The following ANKS1A variants were observed in gnomAD, a reference collection of about 807,000 sequenced individuals.
ANKS1A encodes ankyrin repeat and SAM domain-containing protein 1A.
Under a neutral mutation model 120.3 loss-of-function variants are expected in ANKS1A, and 55 were observed. The ratio of observed to expected loss-of-function variants is 0.46; its 90% CI spans 0.37 to 0.57. The LOEUF (loss-of-function observed/expected upper bound fraction) is 0.57, where lower values mean the gene tolerates loss of function less well. ANKS1A is among the 20% of genes least tolerant of loss of function. The probability of loss-of-function intolerance (pLI) is 0.00; values close to 1 mark genes in which losing one functional copy is unlikely to be tolerated. For missense variants in ANKS1A, 1,123 were observed against 1,480.3 expected (o/e 0.76, Z 3.96); for synonymous variants, 590 against 604.7 (o/e 0.98, Z 0.36).
downstream of ANKS1A, among the ~76,000 whole-genome samples, chr6:35,093,881 C>G (rs956251344): frequency 1.3e-5 from 2 of 152,230 alleles, no homozygotes; most frequent in African/African-American, 4.8e-5. Context: ...CCTCACAAAG[C>G]TATAATGAGG....
chr6:34,930,465 T>C (rs1768926116), intron 1 of ANKS1A, among the ~76,000 whole-genome samples: 2 of 152,146 alleles, frequency 1.3e-5, no homozygotes, highest in Non-Finnish European at 2.9e-5. Context: ...GCACATTCCC[T>C]GTGTGTGTGA....
intron 1 of ANKS1A, among the ~76,000 whole-genome samples, chr6:34,960,846 C>T (rs1770599425): frequency 6.6e-6 from 1 of 152,162 alleles, no homozygotes; most frequent in African/African-American, 2.4e-5. Flanking sequence ...TCCTGGGGAG[C>T]CCATCATGGT....
chr6:34,976,754 CTTTT>C (rs1204557368), intron 3 of ANKS1A, among the ~76,000 whole-genome samples: 4 of 134,532 alleles, frequency 3.0e-5, no homozygotes, highest in Non-Finnish European at 6.5e-5. Flanking sequence ...GCTACCTTTG[CTTTT>C]TCTCTTTCTG....
chr6:34,982,169 A>G lies in ANKS1A; in HGVS notation c.732+183A>G, dbSNP rs1287728980. ...ACAAATGAACTCCTCAAGCAAGTCT[A>G]TTATTTTTTTGTTTCTTTTCAGGGG... is the stretch of plus-strand genomic sequence containing the variant. On this transcript the variant is annotated intron_variant, in intron 4 of 23. Transcript: ENST00000360359. The surrounding 1 kb of genome is among the most constrained non-coding windows in gnomAD (Gnocchi z 4.9). 1.3e-5 allele frequency among the ~76,000 whole-genome samples: 2 copies of G among 152,132 alleles called. No homozygotes were observed. The highest frequency in any genetic ancestry group is 2.9e-5 in the Non-Finnish European group (2 of 68,018).
At chr6:34,900,407 C>T (rs1767288851) in intron 1 of ANKS1A, among the ~76,000 whole-genome samples, 1 of 151,990 alleles carries the variant, frequency 6.6e-6, no homozygotes, top group South Asian at 2.1e-4. Context: ...CTTCTAAGCA[C>T]TTTACAAGTA....
At chr6:35,062,099 G>A (rs1776537466) in intron 13 of ANKS1A, among the ~76,000 whole-genome samples, 1 of 152,246 alleles carries the variant, frequency 6.6e-6, no homozygotes, top group Non-Finnish European at 1.5e-5. Context: ...GAGAAGTGTG[G>A]CCTTGGGCCA....
intron 11 of ANKS1A, 85 bp downstream of exon 11, chr6:35,018,144 G>A: frequency 7.2e-7 from 1 of 1,386,566 alleles, no homozygotes; most frequent in Non-Finnish European, 9.9e-7. Flanking sequence ...CAACTCTCAG[G>A]CCCAGGATCT....
chr6:34,951,911 C>G (rs1303125750), intron 1 of ANKS1A, among the ~76,000 whole-genome samples: 1 of 152,044 alleles, frequency 6.6e-6, no homozygotes, highest in Non-Finnish European at 1.5e-5. Context: ...TTATTGGTTT[C>G]CTGGGACCCT....
intron 11 of ANKS1A, among the ~76,000 whole-genome samples, chr6:35,041,811 A>G (rs533056652): frequency 6.6e-6 from 1 of 152,068 alleles, no homozygotes; most frequent in African/African-American, 2.4e-5. Context: ...GTGGCCTCCC[A>G]TTTTCCTGCC....
At chr6:35,066,187 A>G (rs1581725647) in intron 13 of ANKS1A, among the ~76,000 whole-genome samples, 2 of 152,220 alleles carry the variant, frequency 1.3e-5, no homozygotes, top group African/African-American at 4.8e-5. Flanking sequence ...GTGTGGTGAC[A>G]TCGTGTCAGA....
At chr6:35,071,406 G>T (rs149743744) in intron 13 of ANKS1A, among the ~76,000 whole-genome samples, 1 of 152,186 alleles carries the variant, frequency 6.6e-6, no homozygotes, top group Non-Finnish European at 1.5e-5. Context: ...ACTGGAGTCA[G>T]GTTGGCACTC....
intron 3 of ANKS1A, among the ~76,000 whole-genome samples, chr6:34,979,936 A>G (rs760583274): frequency 3.9e-5 from 6 of 152,240 alleles, no homozygotes; most frequent in Non-Finnish European, 7.3e-5. Context: ...GGAGAAAGTG[A>G]TAATCAACCA....
At chr6:35,080,104 T>C (rs1777595352) in intron 16 of ANKS1A, among the ~76,000 whole-genome samples, 176 bp downstream of exon 16, 1 of 152,100 alleles carries the variant, frequency 6.6e-6, no homozygotes, top group Admixed American at 6.6e-5. Flanking sequence ...CTGTTTCTAC[T>C]TGGGGATGGC....
rs747865614 is a variant in ANKS1A at position 34,950,222 on chromosome 6, C to CTTT, written c.198-16997_198-16995dup. On this transcript the variant is annotated intron_variant, in intron 1 of 23. Transcript: ENST00000360359. The stretch of plus-strand genomic sequence containing the variant: ...TAAGGAAGAGGTTTTTCTTTTCTCT[C>CTTT]TTTTTTTTTTTTTTTTTTTTTTGGG... 5.2e-3 allele frequency among the ~76,000 whole-genome samples: 506 copies of CTTT among 97,454 alleles called. 8 individuals are homozygous for CTTT. Among genetic ancestry groups the CTTT allele is most frequent in the African/African-American group, 0.017 (390 of 22,708 alleles). 63.9% of individuals were successfully genotyped at this position (97,454 alleles called of 152,430 possible).
At chr6:35,073,738 T>C (rs1777194460) in intron 13 of ANKS1A, among the ~76,000 whole-genome samples, 1 of 152,230 alleles carries the variant, frequency 6.6e-6, no homozygotes, top group South Asian at 2.1e-4. Flanking sequence ...AATGTTAGCA[T>C]GGTAGCAGAT....
chr6:35,015,498 CA>C (rs200854137), intron 10 of ANKS1A, among the ~76,000 whole-genome samples: 17 of 148,048 alleles, frequency 1.1e-4, no homozygotes, highest in South Asian at 6.4e-4. Context: ...GACTTGGTCT[CA>C]AAAAAAAAAT....
chr6:34,992,252 C>T (rs538179442), intron 9 of ANKS1A, among the ~76,000 whole-genome samples: 2 of 152,280 alleles, frequency 1.3e-5, no homozygotes, highest in Non-Finnish European at 2.9e-5. Context: ...AGAGCAGAAC[C>T]GGGTGCTCTC....
In ANKS1A at chr6:34,967,391, C is replaced by G. The variant is rs564013455; in HGVS notation, c.278+72C>G. On this transcript the variant is annotated intron_variant, in intron 2 of 23. Coordinates refer to ENST00000360359, the MANE Select transcript of ANKS1A (RefSeq NM_015245.3). ...GGCCTTCACGTTGCCTTTTCATTTC[C>G]TAGAAAAGTTTGCTGGCTGAGCTTA... 14 of 1,511,838 alleles carry G rather than the reference C, an allele frequency of 9.3e-6. No homozygotes were observed. The African/African-American group carries it at 1.7e-4, about 18-fold the overall frequency. 93.7% of individuals were successfully genotyped at this position (1,511,838 alleles called of 1,614,324 possible). A position where few individuals can be genotyped will look rare whatever the true frequency, so the allele number is the denominator to read the frequency against.
intron 20 of ANKS1A, 153 bp from the exon 21 acceptor site, chr6:35,083,968 C>G (rs774094854): frequency 4.8e-6 from 6 of 1,257,198 alleles, no homozygotes; most frequent in Non-Finnish European, 6.6e-6. Flanking sequence ...GGGACCCCCA[C>G]CCCCACCAAT....
Sources: allele counts gnomAD v4.1 joint callset (sites outside exome capture counted in the v4.1 genomes callset), GRCh38; gene constraint gnomAD v4.1.1; non-coding constraint Gnocchi (gnomAD v3.1); transcripts MANE v1.5; gene names NCBI Gene and HGNC (gene_info 2026-07-23, HGNC 2026-07-21).